The following EFHB variants were observed in gnomAD, a reference collection of about 807,000 sequenced individuals.
The protein encoded by EFHB is EF-hand domain-containing family member B.
In EFHB, 91 loss-of-function variants were observed where a neutral mutation model predicts 87.2. The observed-to-expected ratio is 1.04, with a 90% CI of 0.88 to 1.24. The LOEUF (loss-of-function observed/expected upper bound fraction) is 1.24. Ranked by LOEUF, EFHB falls within the 50% of genes most tolerant of loss-of-function variation. The pLI is 0.00. For missense variants in EFHB, 1,084 were observed against 998.8 expected, an observed-to-expected ratio of 1.09 and a Z score of -1.15; for synonymous variants, 325 against 333.6, an observed-to-expected ratio of 0.97 and a Z score of 0.28.
At position 19,896,598 on chromosome 3, in the gene EFHB, AG is replaced by A. The variant is rs773219811; in HGVS notation, c.1725+88del. 10 of 1,530,988 alleles carry A rather than the reference AG, an allele frequency of 6.5e-6. No individual in the cohort carries two copies. The Admixed American group carries it at 1.6e-4, about 24-fold the overall frequency. The allele number at this position is 1,530,988 out of a possible 1,614,324, so 94.8% of individuals were successfully genotyped here. A position where few individuals can be genotyped will look rare whatever the true frequency, so the allele number is the denominator to read the frequency against. ...AAACAGTGGGCTGGATTTGGCCCAC[AG>A]GCTATAGTTTGCTGACCCCTGATCT... is the stretch of plus-strand genomic sequence containing the variant. On this transcript the variant is annotated intron_variant, in intron 9 of 12. Transcript: ENST00000295824.
intron 1 of EFHB, among the ~76,000 whole-genome samples, chr3:19,924,439 C>T (rs1407257210): frequency 6.6e-6 from 1 of 152,072 alleles, no homozygotes; most frequent in African/African-American, 2.4e-5. Flanking sequence ...GTCTCAAACT[C>T]CTGACCTCGT....
At chr3:19,927,575 G>T (rs141213773) in intron 1 of EFHB, among the ~76,000 whole-genome samples, 1 of 152,176 alleles carries the variant, frequency 6.6e-6, no homozygotes, top group Non-Finnish European at 1.5e-5. Context: ...CTGAAATAAG[G>T]TGTATCTGCT....
upstream of EFHB, chr3:19,934,274 A>G: frequency 1.4e-6 from 2 of 1,391,550 alleles, no homozygotes; most frequent in Non-Finnish European, 1.9e-6. Context: ...TCCTGCTTGG[A>G]CAGATCCCTG....
intron 6 of EFHB, among the ~76,000 whole-genome samples, chr3:19,904,638 A>T (rs1345553301): frequency 2.0e-5 from 3 of 152,120 alleles, no homozygotes; most frequent in African/African-American, 4.8e-5. Context: ...TTGTGTATCA[A>T]ATTTTCTTCT....
upstream of EFHB, among the ~76,000 whole-genome samples, chr3:19,935,673 G>A (rs117433726): frequency 0.013 from 1,965 of 151,970 alleles, 115 homozygotes; most frequent in East Asian, 0.098. Context: ...ATGGTGCCAC[G>A]ACACTCAAGC....
At chr3:19,934,315 C>A, upstream of EFHB, 1 of 1,190,474 alleles carries the variant, frequency 8.4e-7, no homozygotes, top group Non-Finnish European at 1.1e-6. Flanking sequence ...CTCTCTCTCT[C>A]AATCTCTCTC....
At chr3:19,936,347 A>AAG, upstream of EFHB, 1 of 549,012 alleles carries the variant, frequency 1.8e-6, no homozygotes, top group African/African-American at 1.9e-5. Context: ...GAAAAAAAAA[A>AAG]AAGTCCAGGA....
chr3:19,888,361 A>G (rs1025207475), intron 10 of EFHB, 83 bp downstream of exon 10: 60 of 758,524 alleles, frequency 7.9e-5, no homozygotes, highest in Non-Finnish European at 9.6e-5. Flanking sequence ...ACATAGTGAG[A>G]CCTCGTCTGT....
At chr3:19,890,026 A>C (rs992477210) in intron 9 of EFHB, among the ~76,000 whole-genome samples, 2 of 152,122 alleles carry the variant, frequency 1.3e-5, no homozygotes, top group Non-Finnish European at 2.9e-5. Flanking sequence ...CAAAAATGCA[A>C]ACCCACACTC....
At chr3:19,940,490 C>A (rs1351105868) in intron 1 of EFHB, 2 of 505,082 alleles carry the variant, frequency 4.0e-6, no homozygotes, top group Non-Finnish European at 7.9e-6. Context: ...TTCTGTTTGT[C>A]TTCATCGTGA....
intron 4 of EFHB, among the ~76,000 whole-genome samples, 177 bp from the exon 5 acceptor site, chr3:19,915,590 C>T (rs1285157358): frequency 6.6e-6 from 1 of 152,070 alleles, no homozygotes; most frequent in African/African-American, 2.4e-5. Context: ...CCCACTTGAC[C>T]TGGCTCATCC....
chr3:19,940,484 GT>G, intron 1 of EFHB: 1 of 504,250 alleles, frequency 2.0e-6, no homozygotes, highest in East Asian at 5.6e-5. Context: ...AGAATCTTCT[GT>G]TTGTCTTCAT....
chr3:19,886,070 A>C (rs1324834601), intron 10 of EFHB, among the ~76,000 whole-genome samples: 1 of 152,212 alleles, frequency 6.6e-6, no homozygotes, highest in Non-Finnish European at 1.5e-5. Flanking sequence ...ATCAGCATCC[A>C]AAAACCAGAA....
chr3:19,934,194 T>C lies in EFHB; in HGVS notation c.-176A>G, dbSNP rs372967210. The C allele has an allele frequency of 5.4e-4, 781 of 1,439,286 alleles. 14 individuals carry two copies. The South Asian group carries it at 0.011, about 20-fold the overall frequency. 89.2% of individuals were successfully genotyped at this position (1,439,286 alleles called of 1,614,324 possible). A position where few individuals can be genotyped will look rare whatever the true frequency, so the allele number is the denominator to read the frequency against. The stretch of plus-strand genomic sequence containing the variant: ...GCCTGCCTCTTAACACCTAGCCGAG[T>C]TCACAGAGGAAAAGATGGAGTCTGT... On this transcript the variant is annotated 5_prime_UTR_variant, in exon 1 of 13. Transcript: ENST00000295824.
Position 19,898,918 on chromosome 3 carries a change from A to G in EFHB, c.1503-73T>C, listed in dbSNP as rs545017178. The G allele has an allele frequency of 5.4e-6, 8 of 1,484,652 alleles. No homozygotes were observed. In the African/African-American group the frequency reaches 5.5e-5, roughly 10 times the overall value. 92.0% of individuals were successfully genotyped at this position (1,484,652 alleles called of 1,614,324 possible). ...CTCTGGAATTTAAAATATGTTTGCC[A>G]TATGTTCTTAGTAGCCCATATTTTA... is the stretch of plus-strand genomic sequence containing the variant. On this transcript the variant is annotated intron_variant, in intron 7 of 12. Transcript: ENST00000295824.
At chr3:19,945,908 T>TATAC (rs1294572953) in intron 1 of EFHB, 1 of 152,186 alleles carries the variant, frequency 6.6e-6, no homozygotes, top group East Asian at 1.9e-4. Flanking sequence ...ACAACAGAGC[T>TATAC]ATACATTGTA....
chr3:19,937,277 C>G (rs563901619), upstream of EFHB, among the ~76,000 whole-genome samples: 1 of 152,120 alleles, frequency 6.6e-6, no homozygotes, highest in Non-Finnish European at 1.5e-5. Context: ...TTATTTAAGA[C>G]ATTGCATTTT....
chr3:19,942,582 C>T (rs1188686807), intron 1 of EFHB, among the ~76,000 whole-genome samples: 1 of 152,138 alleles, frequency 6.6e-6, no homozygotes, highest in Non-Finnish European at 1.5e-5. Flanking sequence ...ATTATTATTA[C>T]ATTGTAATAT....
At chr3:19,928,065 G>A (rs531216473) in intron 1 of EFHB, among the ~76,000 whole-genome samples, 17 of 151,466 alleles carry the variant, frequency 1.1e-4, no homozygotes, top group South Asian at 4.2e-4. Flanking sequence ...ATATACTAGC[G>A]TTACCCTAAT....
Sources: allele counts gnomAD v4.1 joint callset (sites outside exome capture counted in the v4.1 genomes callset), GRCh38; gene constraint gnomAD v4.1.1; transcripts MANE v1.5; gene names NCBI Gene and HGNC (gene_info 2026-07-23, HGNC 2026-07-21).